The following REDIC1 variants were observed in gnomAD, a reference collection of about 807,000 sequenced individuals.
The protein encoded by REDIC1 is regulator of DNA class I crossover intermediates 1, also known as HEI10 Interacting Protein 1.
the REDIC1 span, among the ~76,000 whole-genome samples, chr12:39,789,505 T>C: frequency 6.6e-6 from 1 of 152,180 alleles, no homozygotes; most frequent in Non-Finnish European, 1.5e-5. Flanking sequence ...TATGCACATA[T>C]TTTTAACATA....
chr12:39,723,154 T>C, the REDIC1 span, among the ~76,000 whole-genome samples: 1 of 152,160 alleles, frequency 6.6e-6, no homozygotes, highest in Non-Finnish European at 1.5e-5. Context: ...GACTGAAAGC[T>C]CCCTGTTTAT....
At chr12:39,711,811 G>GTGTGTGTACACATGCATGTGTATA in the REDIC1 span, among the ~76,000 whole-genome samples, 11 of 83,782 alleles carry the variant, frequency 1.3e-4, no homozygotes, top group Admixed American at 2.3e-4. Context: ...GCATGTGTAT[G>GTGTGTGTACACATGCATGTGTATA]TGTGTACACA....
the REDIC1 span, among the ~76,000 whole-genome samples, chr12:39,714,094 CA>C: frequency 1.8e-5 from 1 of 55,262 alleles, no homozygotes; most frequent in Non-Finnish European, 4.0e-5. Context: ...CATATATGTA[CA>C]TGTATATACG....
the REDIC1 span, among the ~76,000 whole-genome samples, chr12:39,637,290 T>C: frequency 2.0e-5 from 3 of 152,048 alleles, no homozygotes; most frequent in African/African-American, 7.2e-5. Flanking sequence ...CCTATTATAA[T>C]GACAACTAAT....
the REDIC1 span, among the ~76,000 whole-genome samples, chr12:39,820,699 C>T: frequency 2.9e-5 from 2 of 67,804 alleles, no homozygotes; most frequent in Admixed American, 1.7e-4. Flanking sequence ...GTATAATCTT[C>T]GGCTTAAATT....
the REDIC1 span, among the ~76,000 whole-genome samples, chr12:39,651,690 A>C: frequency 6.6e-6 from 1 of 152,162 alleles, no homozygotes; most frequent in East Asian, 1.9e-4. Flanking sequence ...TTGTAATGCC[A>C]GGTAACAGTT....
the REDIC1 span, among the ~76,000 whole-genome samples, chr12:39,631,384 A>G: frequency 1.3e-5 from 2 of 152,142 alleles, no homozygotes; most frequent in African/African-American, 4.8e-5. Flanking sequence ...TTGAAAATAT[A>G]TTTTTGATAT....
the REDIC1 span, among the ~76,000 whole-genome samples, chr12:39,855,159 C>T: frequency 1.3e-5 from 2 of 152,134 alleles, no homozygotes; most frequent in African/African-American, 2.4e-5. Context: ...TGGTATTAGA[C>T]TTGCGGCTAT....
At chr12:39,805,111 G>C in the REDIC1 span, among the ~76,000 whole-genome samples, 2 of 151,518 alleles carry the variant, frequency 1.3e-5, no homozygotes, top group Non-Finnish European at 2.9e-5. Context: ...TGACGACAAT[G>C]GAGGGAGCCA....
At chr12:39,646,958 C>A in the REDIC1 span, 1 of 1,034,454 alleles carries the variant, frequency 9.7e-7, no homozygotes, top group Non-Finnish European at 1.4e-6. Context: ...ATCTAAATGT[C>A]TGAATACTGG....
At chr12:39,837,920 G>A in the REDIC1 span, among the ~76,000 whole-genome samples, 1 of 151,018 alleles carries the variant, frequency 6.6e-6, no homozygotes, top group South Asian at 2.1e-4. Context: ...AACCATTGTG[G>A]AAGTCAGTGT....
At chr12:39,837,511 G>T in the REDIC1 span, among the ~76,000 whole-genome samples, 4 of 140,732 alleles carry the variant, frequency 2.8e-5, no homozygotes, top group Non-Finnish European at 6.2e-5. Flanking sequence ...AAACTAAAGA[G>T]CTTCTGCACA....
At chr12:39,839,621 C>T in the REDIC1 span, among the ~76,000 whole-genome samples, 4 of 151,962 alleles carry the variant, frequency 2.6e-5, no homozygotes, top group Non-Finnish European at 4.4e-5. Flanking sequence ...GACACTATTC[C>T]CTTTGTTTCT....
the REDIC1 span, among the ~76,000 whole-genome samples, chr12:39,635,585 T>C: frequency 6.7e-6 from 1 of 149,538 alleles, no homozygotes; most frequent in African/African-American, 2.5e-5. Flanking sequence ...TAGGTGGGAG[T>C]TGAACAATGA....
At chr12:39,660,353 T>C in the REDIC1 span, among the ~76,000 whole-genome samples, 4 of 152,300 alleles carry the variant, frequency 2.6e-5, no homozygotes, top group African/African-American at 9.6e-5. Context: ...AGGTTCTCTT[T>C]CCTTGTTCTG....
chr12:39,781,875 T>G, the REDIC1 span, among the ~76,000 whole-genome samples: 3 of 152,208 alleles, frequency 2.0e-5, no homozygotes, highest in African/African-American at 7.2e-5. Context: ...TTAGGACATT[T>G]GCCTGTACTT....
chr12:39,723,428 T>G, the REDIC1 span, among the ~76,000 whole-genome samples: 17 of 151,726 alleles, frequency 1.1e-4, no homozygotes, highest in Non-Finnish European at 1.3e-4. Context: ...ATATTCAGAG[T>G]GGAAAGTGAG....
At chr12:39,712,480 A>G in the REDIC1 span, among the ~76,000 whole-genome samples, 1 of 142,244 alleles carries the variant, frequency 7.0e-6, no homozygotes, top group Non-Finnish European at 1.6e-5. Flanking sequence ...ATATATACAT[A>G]CAGGTATATA....
At chr12:39,781,982 A>T in the REDIC1 span, among the ~76,000 whole-genome samples, 1 of 152,200 alleles carries the variant, frequency 6.6e-6, no homozygotes, top group Non-Finnish European at 1.5e-5. Flanking sequence ...TGTCTTGTGA[A>T]TACAGGAACT....
Sources: allele counts gnomAD v4.1 joint callset (sites outside exome capture counted in the v4.1 genomes callset), GRCh38; gene constraint gnomAD v4.1.1; transcripts MANE v1.5; gene names NCBI Gene and HGNC (gene_info 2026-07-23, HGNC 2026-07-21).